KSR2: variants seen among roughly 807,000 people sequenced by gnomAD.
The protein encoded by KSR2 is kinase suppressor of ras 2.
A neutral mutation model predicts 107.8 loss-of-function variants in KSR2; 25 were observed. That is an observed-to-expected ratio of 0.23 (90% CI 0.17 to 0.32). The LOEUF (loss-of-function observed/expected upper bound fraction) is 0.32. Ranked by LOEUF, KSR2 falls within the 10% of genes least tolerant of loss-of-function variation. The pLI is 1.00. For missense variants in KSR2, 887 were observed against 1,268.9 expected (o/e 0.70, Z 4.57); for synonymous variants, 480 against 507.0 (o/e 0.95, Z 0.71).
intron 7 of KSR2, among the ~76,000 whole-genome samples, chr12:117,571,191 G>A (rs1320014080): frequency 3.9e-5 from 6 of 152,112 alleles, no homozygotes; most frequent in Non-Finnish European, 8.8e-5. Context: ...CCGGGTGGTC[G>A]AGGCTGCAGT....
intron 1 of KSR2, among the ~76,000 whole-genome samples, chr12:117,865,605 C>T (rs549949770): frequency 3.4e-4 from 51 of 152,188 alleles, no homozygotes; most frequent in Non-Finnish European, 6.3e-4. Context: ...AATCCATTCA[C>T]TTCAGCCTCC....
rs1434276457 is a variant in KSR2, at chr12:117,456,921, T to G, written c.*10278A>C. 1 of 152,206 alleles carries G rather than the reference T, an allele frequency of 6.6e-6. No individual in the cohort carries two copies. Among genetic ancestry groups the G allele is most frequent in the African/African-American group, 2.4e-5 (1 of 41,444 alleles). The allele number at this position is 152,206 out of a possible 1,614,324, so 9.4% of individuals were successfully genotyped here. ...CTCTTCTTCACAGTGAACTGGGAAT[T>G]GCAAGGAAGGTAGAAAAGGCCCTTC... On this transcript the variant is annotated 3_prime_UTR_variant, in exon 20 of 20. Coordinates refer to ENST00000339824, the MANE Select transcript of KSR2 (RefSeq NM_173598.6).
chr12:117,546,538 T>A (rs1330327119), intron 9 of KSR2, among the ~76,000 whole-genome samples: 1 of 152,240 alleles, frequency 6.6e-6, no homozygotes, highest in East Asian at 1.9e-4. Flanking sequence ...TCAACCATTA[T>A]TTCTTTAAGA....
chr12:117,734,938 T>C (rs1019850202), intron 4 of KSR2, among the ~76,000 whole-genome samples: 3 of 152,182 alleles, frequency 2.0e-5, no homozygotes, highest in Non-Finnish European at 2.9e-5. Context: ...GGTTACTTTG[T>C]GTCTATCATG....
intron 1 of KSR2, among the ~76,000 whole-genome samples, chr12:117,966,617 G>GCACACACA (rs1353712868): frequency 0.05 from 6,480 of 130,442 alleles, 217 homozygotes; most frequent in Admixed American, 0.077. Flanking sequence ...TCTCTCACAC[G>GCACACACA]CGCACGCACA....
At chr12:117,925,427 A>G (rs767165306) in intron 1 of KSR2, among the ~76,000 whole-genome samples, 4 of 152,116 alleles carry the variant, frequency 2.6e-5, no homozygotes, top group Non-Finnish European at 4.4e-5. Flanking sequence ...TCCAGCTTAT[A>G]TTTTCTTTTA....
At chr12:117,720,197 G>T (rs1435265766) in intron 4 of KSR2, among the ~76,000 whole-genome samples, 5 of 152,218 alleles carry the variant, frequency 3.3e-5, no homozygotes, top group Non-Finnish European at 5.9e-5. Flanking sequence ...ACAGCCAGGG[G>T]CTGGGTGAGT....
intron 3 of KSR2, among the ~76,000 whole-genome samples, chr12:117,807,171 C>T (rs1891039254): frequency 6.6e-6 from 1 of 152,100 alleles, no homozygotes; most frequent in Non-Finnish European, 1.5e-5. Flanking sequence ...CACTCTCACC[C>T]GATGACCTGC....
intron 3 of KSR2, among the ~76,000 whole-genome samples, chr12:117,855,118 A>C (rs1480077605): frequency 6.6e-6 from 1 of 152,218 alleles, no homozygotes; most frequent in Non-Finnish European, 1.5e-5. Flanking sequence ...AGAATGTCTA[A>C]AGTAAAAAGA....
chr12:117,721,905 A>G (rs775205896), intron 4 of KSR2, among the ~76,000 whole-genome samples: 54 of 152,234 alleles, frequency 3.5e-4, no homozygotes, highest in Non-Finnish European at 6.8e-4. Flanking sequence ...AGCAATGTCC[A>G]AAAGAACTCT....
intron 4 of KSR2, among the ~76,000 whole-genome samples, chr12:117,689,594 C>T (rs892092910): frequency 4.0e-5 from 6 of 151,830 alleles, no homozygotes; most frequent in African/African-American, 1.2e-4. Flanking sequence ...GATTTGGCCC[C>T]GGGGGGCATG....
intron 1 of KSR2, among the ~76,000 whole-genome samples, chr12:117,947,241 G>GAAAGAAAA (rs1896223878): frequency 6.6e-5 from 8 of 121,664 alleles, no homozygotes; most frequent in Middle Eastern, 4.4e-3. Context: ...AAGAAAGAAA[G>GAAAGAAAA]AAAGAAAGAA....
intron 3 of KSR2, among the ~76,000 whole-genome samples, chr12:117,781,971 T>C (rs1790710067): frequency 6.6e-6 from 1 of 152,228 alleles, no homozygotes; most frequent in South Asian, 2.1e-4. Context: ...CTAAGCATGT[T>C]TAGATACTAG....
At chr12:117,489,321 T>C (rs2137151297) in intron 14 of KSR2, among the ~76,000 whole-genome samples, 1 of 152,212 alleles carries the variant, frequency 6.6e-6, no homozygotes, top group Non-Finnish European at 1.5e-5. Context: ...TACGTTATCC[T>C]TCCAAAAAAT....
intron 9 of KSR2, among the ~76,000 whole-genome samples, chr12:117,544,482 G>T (rs369024757): frequency 5.9e-5 from 9 of 152,038 alleles, no homozygotes; most frequent in African/African-American, 2.2e-4. Flanking sequence ...AGCCAGGTGC[G>T]GTGGCACACA....
intron 3 of KSR2, among the ~76,000 whole-genome samples, chr12:117,815,583 C>A (rs1355639446): frequency 6.6e-6 from 1 of 151,886 alleles, no homozygotes; most frequent in African/African-American, 2.4e-5. Context: ...AGCTTCTAGA[C>A]CAAGAATGTG....
intron 5 of KSR2, among the ~76,000 whole-genome samples, chr12:117,618,079 G>T (rs2393238): frequency 0.68 from 104,048 of 151,918 alleles, 36,850 homozygotes; most frequent in South Asian, 0.88. Context: ...CTTAAAATTG[G>T]GCATAAAAAT....
At chr12:117,811,121 G>T (rs918531476) in intron 3 of KSR2, among the ~76,000 whole-genome samples, 1 of 152,100 alleles carries the variant, frequency 6.6e-6, no homozygotes, top group Non-Finnish European at 1.5e-5. Context: ...TGGAGGGCAG[G>T]CCTGGCAAAT....
At position 117,658,947 on chromosome 12, in the gene KSR2, G is replaced by A. The variant is rs142654374; in HGVS notation, c.1171+8527C>T. ...GCCAGGAATTTTCCTCTCTTGGTAC[G>A]TCAGTTTTCTCATCCACAGAATGGG... On this transcript the variant is annotated intron_variant, in intron 5 of 19. Transcript: ENST00000339824. Among the ~76,000 whole-genome samples the A allele has an allele frequency of 9.2e-4, 140 of 152,264 alleles. 1 individual carries two copies. Among genetic ancestry groups the A allele is most frequent in the African/African-American group, 3.1e-3 (130 of 41,544 alleles).
Sources: allele counts gnomAD v4.1 joint callset (sites outside exome capture counted in the v4.1 genomes callset), GRCh38; gene constraint gnomAD v4.1.1; transcripts MANE v1.5; gene names NCBI Gene and HGNC (gene_info 2026-07-23, HGNC 2026-07-21).